The following CTNNA3 variants were observed in gnomAD, a reference collection of about 807,000 sequenced individuals.
CTNNA3 encodes the protein catenin alpha-3.
A neutral mutation model predicts 95.7 loss-of-function variants in CTNNA3; 76 were observed. The observed-to-expected ratio is 0.79, with a 90% CI of 0.66 to 0.96. The LOEUF is 0.96. Among genes scored for constraint, CTNNA3 ranks in the 40% least tolerant of loss-of-function variants. CTNNA3 has a pLI of 0.00. For synonymous variants in CTNNA3, 431 were observed against 374.4 expected (o/e 1.15, Z -1.74); for missense variants, 1,191 against 1,089.8 (o/e 1.09, Z -1.31).
chr10:66,587,283 T>C (rs1027121172), intron 10 of CTNNA3, among the ~76,000 whole-genome samples: 1 of 152,138 alleles, frequency 6.6e-6, no homozygotes, highest in Non-Finnish European at 1.5e-5. Flanking sequence ...GGGTTATTGT[T>C]TATGCAGATG....
chr10:66,720,142 G>A (rs1848579386), intron 9 of CTNNA3, among the ~76,000 whole-genome samples: 1 of 152,028 alleles, frequency 6.6e-6, no homozygotes, highest in Non-Finnish European at 1.5e-5. Context: ...CGATGCTAAG[G>A]AAAATATTGG....
intron 12 of CTNNA3, among the ~76,000 whole-genome samples, chr10:66,336,701 T>C (rs913454143): frequency 6.6e-6 from 1 of 152,082 alleles, no homozygotes; most frequent in African/African-American, 2.4e-5. Context: ...CAATAATTTT[T>C]TTCAAAATTA....
chr10:66,648,234 G>A (rs1845774254), intron 9 of CTNNA3, among the ~76,000 whole-genome samples: 1 of 152,120 alleles, frequency 6.6e-6, no homozygotes, highest in Admixed American at 6.5e-5. Context: ...CAGGGATTCT[G>A]ATTCCACTGG....
chr10:66,026,055 G>A (rs1028745747), intron 15 of CTNNA3, among the ~76,000 whole-genome samples: 1 of 152,118 alleles, frequency 6.6e-6, no homozygotes, highest in African/African-American at 2.4e-5. Context: ...GAATTTTTGA[G>A]AGCGTATCAT....
intron 7 of CTNNA3, among the ~76,000 whole-genome samples, chr10:66,842,099 C>T (rs1039302208): frequency 4.6e-5 from 7 of 151,752 alleles, no homozygotes; most frequent in Non-Finnish European, 8.8e-5. Context: ...TGGCTAAATT[C>T]GTTTTTCTTT....
intron 13 of CTNNA3, among the ~76,000 whole-genome samples, chr10:66,213,960 G>A (rs1305383748): frequency 2.0e-5 from 3 of 152,290 alleles, no homozygotes; most frequent in African/African-American, 7.2e-5. Context: ...TATGAAATCA[G>A]CAGAAATTGG....
At chr10:67,076,061 T>C (rs1856731076) in intron 7 of CTNNA3, among the ~76,000 whole-genome samples, 2 of 152,198 alleles carry the variant, frequency 1.3e-5, no homozygotes, top group African/African-American at 4.8e-5. Flanking sequence ...CACACCTCCA[T>C]TTCACATTTT....
At position 67,413,877 on chromosome 10, in the gene CTNNA3, T is replaced by G. The variant is rs1200745055; in HGVS notation, c.579+107965A>C. Among the ~76,000 whole-genome samples the G allele has an allele frequency of 2.0e-5, 3 of 152,062 alleles. No homozygotes were observed. In the East Asian group the frequency reaches 5.8e-4, roughly 29 times the overall value. On this transcript the variant is annotated intron_variant, in intron 5 of 17. Coordinates refer to ENST00000433211, the MANE Select transcript of CTNNA3 (RefSeq NM_013266.4). ...TAAGGCAGAAATTTAAAAAATTATT[T>G]GAAGTTAATGAAAATAGGAACACAA...
chr10:67,407,930 T>C (rs1845201787), intron 5 of CTNNA3, among the ~76,000 whole-genome samples: 2 of 149,212 alleles, frequency 1.3e-5, no homozygotes, highest in Non-Finnish European at 3.0e-5. Flanking sequence ...CACAAACAAA[T>C]GGGAAATCAT....
chr10:66,384,326 A>G (rs1244087148), intron 11 of CTNNA3, among the ~76,000 whole-genome samples: 1 of 152,182 alleles, frequency 6.6e-6, no homozygotes, highest in African/African-American at 2.4e-5. Flanking sequence ...ACTTTAAACC[A>G]ACAAAGATCA....
chr10:66,388,144 T>A (rs1226769894), intron 11 of CTNNA3, among the ~76,000 whole-genome samples: 1 of 152,044 alleles, frequency 6.6e-6, no homozygotes, highest in South Asian at 2.1e-4. Flanking sequence ...GCAAGGTTTC[T>A]TTTTTTAAAA....
intron 7 of CTNNA3, among the ~76,000 whole-genome samples, chr10:66,949,332 G>T (rs1848422313): frequency 6.6e-6 from 1 of 152,082 alleles, no homozygotes; most frequent in Non-Finnish European, 1.5e-5. Context: ...CGAGGCAGGT[G>T]GATCACCTGA....
intron 9 of CTNNA3, among the ~76,000 whole-genome samples, chr10:66,743,076 T>C (rs191883536): frequency 6.6e-6 from 1 of 152,286 alleles, no homozygotes; most frequent in Non-Finnish European, 1.5e-5. Flanking sequence ...TCCAAGATTT[T>C]CCAACACACA....
intron 7 of CTNNA3, among the ~76,000 whole-genome samples, chr10:66,891,229 T>G (rs774960467): frequency 6.6e-6 from 1 of 152,208 alleles, no homozygotes; most frequent in Non-Finnish European, 1.5e-5. Context: ...TATTTTACTT[T>G]ATTTTTACAT....
chr10:67,230,578 C>G (rs528581549), intron 5 of CTNNA3, among the ~76,000 whole-genome samples: 107 of 152,238 alleles, frequency 7.0e-4, no homozygotes, highest in Non-Finnish European at 8.8e-4. Context: ...CTACAATGAA[C>G]TCAAACAAAT....
At chr10:66,654,860 A>G (rs1846023883) in intron 9 of CTNNA3, among the ~76,000 whole-genome samples, 1 of 152,130 alleles carries the variant, frequency 6.6e-6, no homozygotes, top group South Asian at 2.1e-4. Context: ...GCTTTACCAC[A>G]TGATCTAACT....
At chr10:66,203,427 G>T (rs754810961) in intron 13 of CTNNA3, among the ~76,000 whole-genome samples, 16 of 152,060 alleles carry the variant, frequency 1.1e-4, no homozygotes, top group Non-Finnish European at 2.1e-4. Context: ...TTTCTGAAAG[G>T]ATTTTTCTGA....
chr10:66,598,565 C>T (rs1405572366), intron 10 of CTNNA3, among the ~76,000 whole-genome samples: 1 of 151,868 alleles, frequency 6.6e-6, no homozygotes, highest in Non-Finnish European at 1.5e-5. Flanking sequence ...AGTAAAGTTG[C>T]AGGATTCAGA....
At position 67,620,950 on chromosome 10, in the gene CTNNA3, T is replaced by TATAC. The variant is rs1491566283; in HGVS notation, c.100-13902_100-13901insGTAT. Among the ~76,000 whole-genome samples, 15 of 144,358 alleles carry TATAC rather than the reference T, an allele frequency of 1.0e-4. No individual in the cohort carries two copies. In the East Asian group the frequency reaches 3.0e-3, roughly 29 times the overall value. The allele number at this position is 144,358 out of a possible 152,430, so 94.7% of individuals were successfully genotyped here. A position where few individuals can be genotyped will look rare whatever the true frequency, so the allele number is the denominator to read the frequency against. ...ATATATATATATATATATATATATATACAGAAATGTGGATATCTATGTATT... is the reference window on the plus strand; with the variant it reads ...ATATATATATATATATATATATATATATACACAGAAATGTGGATATCTATGTATT... On this transcript the variant is annotated intron_variant, in intron 2 of 17. Coordinates refer to ENST00000433211, the MANE Select transcript of CTNNA3 (RefSeq NM_013266.4).
Sources: allele counts gnomAD v4.1 joint callset (sites outside exome capture counted in the v4.1 genomes callset), GRCh38; gene constraint gnomAD v4.1.1; transcripts MANE v1.5; gene names NCBI Gene and HGNC (gene_info 2026-07-23, HGNC 2026-07-21).